HDGF: variants seen among roughly 807,000 people sequenced by gnomAD.
HDGF encodes the protein hepatoma-derived growth factor.
HDGF carries 5 observed loss-of-function variants against 30.0 expected under a neutral mutation model. That is an observed-to-expected ratio of 0.17 (90% CI 0.09 to 0.35). HDGF has a LOEUF of 0.35. Ranked by LOEUF, HDGF falls within the 10% of genes least tolerant of loss-of-function variation. The probability of loss-of-function intolerance (pLI) is 1.00; values close to 1 mark genes in which losing one functional copy is unlikely to be tolerated. For missense variants in HDGF, 214 were observed against 302.8 expected (o/e 0.71, Z 2.18); for synonymous variants, 133 against 112.7 (o/e 1.18, Z -1.14).
chr1:156,751,808 G>C, upstream of HDGF: 1 of 861,362 alleles, frequency 1.2e-6, no homozygotes, highest in South Asian at 4.2e-5. The surrounding 1 kb of genome is among the most constrained non-coding windows in gnomAD (Gnocchi z 4.7). Context: ...TCCCTCCCGC[G>C]GCGGTTTGAT....
At chr1:156,752,656 G>A (rs369387648), upstream of HDGF, among the ~76,000 whole-genome samples, 18 of 152,276 alleles carry the variant, frequency 1.2e-4, no homozygotes, top group East Asian at 3.1e-3. Context: ...GCTAAGAAGT[G>A]ATAGAACCAA....
At position 156,749,233 on chromosome 1, in the gene HDGF, G is replaced by A. The variant is rs114896046; in HGVS notation, c.87+2110C>T. 4.7e-3 allele frequency among the ~76,000 whole-genome samples: 714 copies of A among 152,288 alleles called. 7 individuals carry two copies. Among genetic ancestry groups the A allele is most frequent in the African/African-American group, 0.016 (684 of 41,558 alleles). Reference sequence around the variant, plus strand: ...GACTGAGGAAGGAAAATCCACACACGGGCCTTCTTTATGGCTGAAGATTTG... The same window carrying A: ...GACTGAGGAAGGAAAATCCACACACAGGCCTTCTTTATGGCTGAAGATTTG... On this transcript the variant is annotated intron_variant, in intron 1 of 5. Transcript: ENST00000357325.
chr1:156,758,851 C>T (rs1651197997), intron 2 of HDGF: 1 of 152,226 alleles, frequency 6.6e-6, no homozygotes, highest in Non-Finnish European at 1.5e-5. Flanking sequence ...AGGATTTGTC[C>T]AGGAGAAAGA....
rs1037166436 is a variant in HDGF, at chr1:156,751,214, A to G, written c.87+129T>C. Reference sequence around the variant, plus strand: ...GCGGGTGGGCTTGGAAGCGACAGAGAAAGAGCCGGAGACCTACAAGCCCCC... The same window carrying G: ...GCGGGTGGGCTTGGAAGCGACAGAGGAAGAGCCGGAGACCTACAAGCCCCC... On this transcript the variant is annotated intron_variant, in intron 1 of 5. Transcript: ENST00000357325. The surrounding 1 kb of genome is among the most constrained non-coding windows in gnomAD (Gnocchi z 4.7). 2.6e-5 allele frequency: 31 copies of G among 1,205,968 alleles called. No individual in the cohort carries two copies. The highest frequency in any genetic ancestry group is 7.9e-5 in the Admixed American group (2 of 25,286). The allele number at this position is 1,205,968 out of a possible 1,614,324, so 74.7% of individuals were successfully genotyped here.
At chr1:156,766,928 T>C (rs1279248247), upstream of HDGF, 1 of 152,268 alleles carries the variant, frequency 6.6e-6, no homozygotes, top group East Asian at 1.9e-4. Flanking sequence ...TCCTCCCTTT[T>C]ACGTCACATT....
rs777222352 is a variant in HDGF at position 156,743,493 on chromosome 1, GTGGCCTTGGCC to G, written c.717-49_717-39del. On this transcript the variant is annotated intron_variant, in intron 5 of 5. Coordinates refer to ENST00000357325, the MANE Select transcript of HDGF (RefSeq NM_004494.3). ...GTTGGAGGGGAGAAGGGTTAATGGTGTGGCCTTGGCCTGGCCTTGCCCCAGCCAGTGCCGGT... is the reference window on the plus strand; with the variant it reads ...GTTGGAGGGGAGAAGGGTTAATGGTGTGGCCTTGCCCCAGCCAGTGCCGGT... 9.0e-6 allele frequency: 14 copies of G among 1,563,422 alleles called. No homozygotes were observed. In the East Asian group the frequency reaches 1.4e-4, roughly 15 times the overall value.
At chr1:156,764,714 G>A (rs1320010042) in intron 1 of HDGF, among the ~76,000 whole-genome samples, 4 of 151,722 alleles carry the variant, frequency 2.6e-5, no homozygotes, top group Non-Finnish European at 5.9e-5. Flanking sequence ...GTGAAACCCC[G>A]TCTCTACTAA....
At chr1:156,758,008 A>G (rs1239537068) in intron 2 of HDGF, among the ~76,000 whole-genome samples, 2 of 152,142 alleles carry the variant, frequency 1.3e-5, no homozygotes, top group East Asian at 3.9e-4. Flanking sequence ...TGAAGAATGA[A>G]AAGATATGGC....
chr1:156,751,740 T>A, upstream of HDGF: 2 of 900,206 alleles, frequency 2.2e-6, no homozygotes, highest in Non-Finnish European at 2.6e-6. This position sits in a 1 kb window ranked among gnomAD's most constrained non-coding sequence, Gnocchi z 4.7. Flanking sequence ...TCCCCACTCC[T>A]CCTCCTCCCT....
intron 1 of HDGF, among the ~76,000 whole-genome samples, chr1:156,749,356 A>G (rs1186493100): frequency 6.6e-6 from 1 of 152,214 alleles, no homozygotes; most frequent in Non-Finnish European, 1.5e-5. Flanking sequence ...GGACTAAGAC[A>G]CGGTCCAAGG....
At chr1:156,752,017 C>G, upstream of HDGF, 1 of 1,549,578 alleles carries the variant, frequency 6.5e-7, no homozygotes, top group African/African-American at 1.4e-5. Context: ...CGCCCTTCCC[C>G]CGACTCCGCG....
intron 1 of HDGF, among the ~76,000 whole-genome samples, chr1:156,749,830 T>G (rs1477086862): frequency 6.6e-6 from 1 of 152,198 alleles, no homozygotes; most frequent in Admixed American, 6.5e-5. Flanking sequence ...CTCTGGACTT[T>G]GTCCCACCCT....
At chr1:156,749,189 C>T (rs1650801108) in intron 1 of HDGF, among the ~76,000 whole-genome samples, 1 of 152,204 alleles carries the variant, frequency 6.6e-6, no homozygotes, top group South Asian at 2.1e-4. Context: ...CAGAATCACC[C>T]ACCCTCCCCA....
Position 156,745,016 on chromosome 1 carries a change from C to A in HDGF, c.295G>T (p.Gly99Cys). Reference protein sequence around the residue: ...IENNPTVKASGYQSSQKKSCV... With the variant: ...IENNPTVKASCYQSSQKKSCV... ...GGCAGGCGGTGGCTCACCTGATAGC[C>A]GGAAGCCTTGACAGTAGGGTTGTTC... Residue 99 changes from glycine to cysteine, a missense_variant, in exon 3 of 6, where the codon GGC becomes TGC. Transcript: ENST00000357325. 6.2e-7 allele frequency: 1 copy of A among 1,614,052 alleles called. No individual in the cohort carries two copies. The highest frequency in any genetic ancestry group is 8.5e-7 in the Non-Finnish European group (1 of 1,180,010).
intron 1 of HDGF, among the ~76,000 whole-genome samples, chr1:156,760,723 C>T (rs1269832246): frequency 6.6e-6 from 1 of 152,206 alleles, no homozygotes; most frequent in East Asian, 1.9e-4. Context: ...AGCCCTGGGG[C>T]CTGTCAGTCA....
chr1:156,743,612 C>T (rs1650280072), intron 5 of HDGF, 40 bp downstream of exon 5: 1 of 1,568,392 alleles, frequency 6.4e-7, no homozygotes, highest in African/African-American at 1.3e-5. Flanking sequence ...TGGCCGGTCC[C>T]CCCTAGTCCA....
intron 1 of HDGF, among the ~76,000 whole-genome samples, chr1:156,765,179 G>A (rs1397915840): frequency 7.3e-6 from 1 of 137,388 alleles, no homozygotes; most frequent in African/African-American, 2.7e-5. Context: ...CACAACCTCC[G>A]CCTCCCGGGT....
In HDGF at chr1:156,744,321, C is replaced by T. The variant is rs1178281787; in HGVS notation, c.331G>A (p.Glu111Lys). The T allele has an allele frequency of 1.2e-6, 2 of 1,614,054 alleles. No individual in the cohort carries two copies. Among genetic ancestry groups the T allele is most frequent in the Non-Finnish European group, 1.7e-6 (2 of 1,180,034 alleles). ...QSSQKKSCVEEPEPEPEAAEG... is the reference protein window; with the variant it reads ...QSSQKKSCVEKPEPEPEAAEG... Reference sequence around the variant, plus strand: ...GCAGCTTCGGGCTCTGGTTCAGGCTCTTCCACACAGCTCTTTTTCTGGGAG... The same window carrying T: ...GCAGCTTCGGGCTCTGGTTCAGGCTTTTCCACACAGCTCTTTTTCTGGGAG... Residue 111 changes from glutamate to lysine, a missense_variant, in exon 4 of 6, where the codon GAG becomes AAG. Glu to Lys is a moderately conservative substitution (Grantham distance 56). Around this residue, in one of 2 missense-constraint regions of HDGF, gnomAD observed 176 missense variants for 211.7 expected, o/e 0.83. Coordinates refer to ENST00000357325, the MANE Select transcript of HDGF (RefSeq NM_004494.3).
At chr1:156,748,723 AGGAAGGCAGCAG>A (rs1343802230) in intron 1 of HDGF, among the ~76,000 whole-genome samples, 1 of 152,198 alleles carries the variant, frequency 6.6e-6, no homozygotes, top group Non-Finnish European at 1.5e-5. Flanking sequence ...CCCAGCACTT[AGGAAGGCAGCAG>A]GGAAGGCTAA....
Sources: gnomAD v4.1 joint callset for allele counts (sites outside exome capture counted in the v4.1 genomes callset) on GRCh38, gnomAD v4.1.1 for gene constraint, gnomAD v4.1.1 regional missense constraint, Gnocchi (gnomAD v3.1) non-coding constraint, MANE v1.5 for transcripts, NCBI Gene and HGNC (gene_info 2026-07-23, HGNC 2026-07-21) for gene names.